Variants in WDR87 observed in about 807,000 individuals in gnomAD.
WDR87 encodes the protein WD repeat-containing protein 87.
Under a neutral mutation model 83.3 loss-of-function variants are expected in WDR87, and 56 were observed. The observed-to-expected ratio is 0.67, with a 90% CI of 0.54 to 0.84. The LOEUF (loss-of-function observed/expected upper bound fraction) is 0.84. Ranked by LOEUF, WDR87 falls within the 40% of genes least tolerant of loss-of-function variation. The pLI, the probability that WDR87 is intolerant of heterozygous loss-of-function variation, is 0.00. For synonymous variants in WDR87, 1,173 were observed against 1,250.6 expected (o/e 0.94, Z 1.31); for missense variants, 2,939 against 3,431.9 (o/e 0.86, Z 3.59).
chr19:37,896,626 GTT>G (rs1157728641), intron 2 of WDR87, among the ~76,000 whole-genome samples: 3 of 151,816 alleles, frequency 2.0e-5, no homozygotes, highest in African/African-American at 7.3e-5. Context: ...TCTTTTTTTT[GTT>G]TTGTTTTTTA....
intron 1 of WDR87, among the ~76,000 whole-genome samples, chr19:37,900,535 T>G (rs1247929508): frequency 2.4e-5 from 3 of 126,156 alleles, no homozygotes. Context: ...CACTCTAGCC[T>G]CAGTGACAGA....
chr19:37,889,104 C>G lies in WDR87; in HGVS notation c.4567G>C (p.Glu1523Gln). ...TCCTGAAGAAGCCTCTTCTCCCATT[C>G]TTCCTTCCATGCCTTCCAGGATTTC... ...TRKSWKAWKE[E>Q]WEKRLLQEEE... The change falls in exon 6 of 6, where the codon GAA becomes CAA. Residue 1523 changes from glutamate (E) to glutamine (Q), a missense_variant. By Grantham distance (29) the Glu-to-Gln change is conservative. Coordinates refer to ENST00000447313, the MANE Select transcript of WDR87 (RefSeq NM_001291088.2). 1 of 1,552,278 alleles carries G rather than the reference C, an allele frequency of 6.4e-7. No homozygotes were observed. Among genetic ancestry groups the G allele is most frequent in the Non-Finnish European group, 8.7e-7 (1 of 1,147,130 alleles).
At chr19:37,904,500 A>G (rs1048246249) in intron 1 of WDR87, among the ~76,000 whole-genome samples, 2 of 152,040 alleles carry the variant, frequency 1.3e-5, no homozygotes, top group African/African-American at 4.8e-5. Context: ...CTGGGATTAC[A>G]GGCGTGCGCC....
Position 37,889,247 on chromosome 19 carries a change from G to A in WDR87, c.4424C>T (p.Thr1475Ile), listed in dbSNP as rs760579359. 1 of 1,551,756 alleles carries A rather than the reference G, an allele frequency of 6.4e-7. No homozygotes were observed. The highest frequency in any genetic ancestry group is 8.7e-7 in the Non-Finnish European group (1 of 1,147,036). Reference sequence around the variant, plus strand: ...TTGTTTGACCACTTTCTCCTCTAGTGTGGCCATTTCCTCCACTTCCTCACT... The same window carrying A: ...TTGTTTGACCACTTTCTCCTCTAGTATGGCCATTTCCTCCACTTCCTCACT... ...DMSEEVEEMA[T>I]LEEKVVKQEG... is the part of the protein sequence containing the mutation. Residue 1475 changes from threonine (T) to isoleucine (I), a missense_variant, in exon 6 of 6, where the codon ACA becomes ATA. Physicochemically the swap from Thr to Ile is moderately conservative, Grantham distance 89. Coordinates refer to ENST00000447313, the MANE Select transcript of WDR87 (RefSeq NM_001291088.2).
At position 37,891,586 on chromosome 19, in the gene WDR87, G is replaced by A; in HGVS notation, c.3360C>T (p.Gly1120=). The change falls in exon 5 of 6, where the codon GGC becomes GGT. Residue 1120 remains glycine, a synonymous_variant. Coordinates refer to ENST00000447313, the MANE Select transcript of WDR87 (RefSeq NM_001291088.2). ...TGACCCCTGCTTGGCCTCGTCTTTGGCCTTTGCTGGGCTTGATGGCCACTT... is the reference window on the plus strand; with the variant it reads ...TGACCCCTGCTTGGCCTCGTCTTTGACCTTTGCTGGGCTTGATGGCCACTT... ...ESEVAIKPSK[G]QRRGQAGVKK... is the part of the protein sequence containing the mutation. 1 of 1,552,156 alleles carries A rather than the reference G, an allele frequency of 6.4e-7. No homozygotes were observed. The highest frequency in any genetic ancestry group is 8.7e-7 in the Non-Finnish European group (1 of 1,147,110).
chr19:37,892,585 C>T lies in WDR87; in HGVS notation c.3118G>A (p.Glu1040Lys). The change falls in exon 4 of 6, where the codon GAG becomes AAG. Residue 1040 changes from glutamate (E) to lysine (K), a missense_variant. Glu to Lys is a moderately conservative substitution (Grantham distance 56). Transcript: ENST00000447313. ...QLTQKQETFR[E>K]MQQQMIGEEP... ...AAGGAAGCACAAACTTACTGCATCT[C>T]CCGAAAAGTCTCTTGTTTTTGGGTC... 6.7e-7 allele frequency: 1 copy of T among 1,489,006 alleles called. No individual in the cohort carries two copies. The highest frequency in any genetic ancestry group is 9.0e-7 in the Non-Finnish European group (1 of 1,113,894). 92.2% of individuals were successfully genotyped at this position (1,489,006 alleles called of 1,614,324 possible). A position where few individuals can be genotyped will look rare whatever the true frequency, so the allele number is the denominator to read the frequency against.
Position 37,885,194 on chromosome 19 carries a change from A to G in WDR87, c.8477T>C (p.Ile2826Thr). The G allele has an allele frequency of 1.4e-6, 2 of 1,476,696 alleles. No individual in the cohort carries two copies. The highest frequency in any genetic ancestry group is 4.9e-5 in the East Asian group (2 of 40,442). 91.5% of individuals were successfully genotyped at this position (1,476,696 alleles called of 1,614,324 possible). The change falls in exon 6 of 6, where the codon ATC (isoleucine) becomes ACC (threonine). Residue 2826 changes from isoleucine (I) to threonine (T), a missense_variant. By Grantham distance (89) the Ile-to-Thr change is moderately conservative. This residue lies in a region of WDR87 where 2,160 missense variants were observed against 2,533.1 expected (regional missense o/e 0.85). Coordinates refer to ENST00000447313, the MANE Select transcript of WDR87 (RefSeq NM_001291088.2). ...TGTGGCTTTTAGGGCCTCTTCGTAG[A>G]TGATCTCTTGGGGTTGAGGTTCCTC... Reference protein sequence around the residue: ...MREEPQPQEIIYEEALKATEL... With the variant: ...MREEPQPQEITYEEALKATEL...
intron 5 of WDR87, 147 bp from the exon 6 acceptor site, chr19:37,890,423 T>A: frequency 8.9e-7 from 1 of 1,123,258 alleles, no homozygotes; most frequent in Non-Finnish European, 1.2e-6. Context: ...AAGCATTCTC[T>A]TTGCTTTATT....
chr19:37,905,473 A>C (rs1270200581), intron 1 of WDR87, among the ~76,000 whole-genome samples: 1 of 148,790 alleles, frequency 6.7e-6, no homozygotes, highest in African/African-American at 2.5e-5. Flanking sequence ...AGTAAATAAT[A>C]ATGATAAATA....
At chr19:37,903,090 A>G (rs1481756892) in intron 1 of WDR87, among the ~76,000 whole-genome samples, 1 of 152,190 alleles carries the variant, frequency 6.6e-6, no homozygotes, top group Non-Finnish European at 1.5e-5. Flanking sequence ...TGGCCACCCA[A>G]AAGGAAGGTG....
intron 2 of WDR87, among the ~76,000 whole-genome samples, chr19:37,896,864 C>T (rs2046259981): frequency 6.6e-6 from 1 of 152,208 alleles, no homozygotes; most frequent in African/African-American, 2.4e-5. Flanking sequence ...AGGTAATCCG[C>T]CCGCCTCGGC....
At chr19:37,892,383 C>CA (rs1421671400) in intron 4 of WDR87, among the ~76,000 whole-genome samples, 195 bp downstream of exon 4, 2 of 151,310 alleles carry the variant, frequency 1.3e-5, no homozygotes, top group East Asian at 3.9e-4. Flanking sequence ...GACCCTGTCT[C>CA]AAAAAAAGAA....
rs1274040973 is a variant in WDR87 at position 37,889,090 on chromosome 19, C to T, written c.4581G>A (p.Arg1527=). 1.9e-6 allele frequency: 3 copies of T among 1,552,096 alleles called. No individual in the cohort carries two copies. The highest frequency in any genetic ancestry group is 2.6e-6 in the Non-Finnish European group (3 of 1,147,126). ...WKAWKEEWEK[R]LLQEEEKLHQ... is the part of the protein sequence containing the mutation. ...GTAGTTTCTCCTCTTCCTGAAGAAG[C>T]CTCTTCTCCCATTCTTCCTTCCATG... Residue 1527 remains arginine, a synonymous_variant, in exon 6 of 6, where the codon AGG becomes AGA. Coordinates refer to ENST00000447313, the MANE Select transcript of WDR87 (RefSeq NM_001291088.2).
chr19:37,886,355 A>G lies in WDR87; in HGVS notation c.7316T>C (p.Met2439Thr). 6.4e-7 allele frequency: 1 copy of G among 1,551,270 alleles called. No individual in the cohort carries two copies. Among genetic ancestry groups the G allele is most frequent in the Non-Finnish European group, 8.7e-7 (1 of 1,146,894 alleles). ...CACTGGCACTGGTGTTTTCTCTTTC[A>G]TCTCCAGAGCTGTTGACATCAGTTT... The part of the protein sequence containing the change: ...LKKLMSTALE[M>T]KEKTPVPVPE... The change falls in exon 6 of 6, where the codon ATG becomes ACG. Residue 2439 changes from methionine to threonine, a missense_variant. Met to Thr is a moderately conservative substitution (Grantham distance 81, BLOSUM62 -1). Coordinates refer to ENST00000447313, the MANE Select transcript of WDR87 (RefSeq NM_001291088.2).
At position 37,886,584 on chromosome 19, in the gene WDR87, C is replaced by T. The variant is rs777428348; in HGVS notation, c.7087G>A (p.Glu2363Lys). 13 of 1,521,292 alleles carry T rather than the reference C, an allele frequency of 8.5e-6. No individual in the cohort carries two copies. Among genetic ancestry groups the T allele is most frequent in the East Asian group, 2.5e-5 (1 of 40,432 alleles). The allele number at this position is 1,521,292 out of a possible 1,614,324, so 94.2% of individuals were successfully genotyped here. ...SEEETESLSD[E>K]EEEEESCSLE... ...GAGCAGCTCTCCTCTTCCTCTTCCT[C>T]GTCACTCAAACTTTCTGTCTCTTCC... The change falls in exon 6 of 6, where the codon GAG (glutamate) becomes AAG (lysine). Residue 2363 changes from glutamate (E) to lysine (K), a missense_variant. By Grantham distance (56) the Glu-to-Lys change is moderately conservative. Coordinates refer to ENST00000447313, the MANE Select transcript of WDR87 (RefSeq NM_001291088.2).
At position 37,893,185 on chromosome 19, in the gene WDR87, T is replaced by G; in HGVS notation, c.2518A>C (p.Ile840Leu). The G allele has an allele frequency of 6.4e-7, 1 of 1,551,968 alleles. No individual in the cohort carries two copies. Among genetic ancestry groups the G allele is most frequent in the Non-Finnish European group, 8.7e-7 (1 of 1,147,058 alleles). The change falls in exon 4 of 6, where the codon ATA becomes CTA. Residue 840 changes from isoleucine to leucine, a missense_variant. Physicochemically the swap from Ile to Leu is conservative, Grantham distance 5. Coordinates refer to ENST00000447313, the MANE Select transcript of WDR87 (RefSeq NM_001291088.2). ...RARLWPEGTP[I>L]YLQCNLHAPQ... is the part of the protein sequence containing the mutation. ...GCATGCAGGTTGCACTGTAGGTATA[T>G]TGGGGTGCCCTCTGGCCAAAGACGG... is the stretch of plus-strand genomic sequence containing the variant.
At position 37,887,168 on chromosome 19, in the gene WDR87, C is replaced by A; in HGVS notation, c.6503G>T (p.Arg2168Leu). Residue 2168 changes from arginine to leucine, a missense_variant, in exon 6 of 6, where the codon CGA (arginine) becomes CTA (leucine). Around this residue, in one of 3 missense-constraint regions of WDR87, gnomAD observed 2,160 missense variants for 2,533.1 expected, o/e 0.85. Coordinates refer to ENST00000447313, the MANE Select transcript of WDR87 (RefSeq NM_001291088.2). ...CTTCTCATCTTTAGTCAGTTCTGATCGTTTTTCAGAAAAATCCCACTCTTT... is the reference window on the plus strand; with the variant it reads ...CTTCTCATCTTTAGTCAGTTCTGATAGTTTTTCAGAAAAATCCCACTCTTT... ...DIKEWDFSEK[R>L]SELTKDEKKL... is the part of the protein sequence containing the mutation. 5 of 1,551,374 alleles carry A rather than the reference C, an allele frequency of 3.2e-6. No individual in the cohort carries two copies. The highest frequency in any genetic ancestry group is 3.5e-6 in the Non-Finnish European group (4 of 1,147,002).
chr19:37,901,836 A>C lies in WDR87; in HGVS notation c.-46-3551T>G, dbSNP rs143198773. On this transcript the variant is annotated intron_variant, in intron 1 of 5. Coordinates refer to ENST00000447313, the MANE Select transcript of WDR87 (RefSeq NM_001291088.2). ...TCAAGCAATCCTCCTGCCTCAGCCTACCGAGTAACTGGGACCACAGGCACA... is the reference window on the plus strand; with the variant it reads ...TCAAGCAATCCTCCTGCCTCAGCCTCCCGAGTAACTGGGACCACAGGCACA... Among the ~76,000 whole-genome samples, 850 of 150,460 alleles carry C rather than the reference A, an allele frequency of 5.6e-3. 9 individuals carry two copies. The highest frequency in any genetic ancestry group is 0.02 in the African/African-American group (823 of 40,942).
chr19:37,885,664 C>T lies in WDR87; in HGVS notation c.8007G>A (p.Arg2669=), dbSNP rs2046137564. Residue 2669 remains arginine, a synonymous_variant, in exon 6 of 6, where the codon AGG becomes AGA. Coordinates refer to ENST00000447313, the MANE Select transcript of WDR87 (RefSeq NM_001291088.2). ...AATTTTTAGCCCTTGGGTCTGGAAT[C>T]CTCTTGGTAGCTAATGGGGACTTTT... ...PTQKSPLATK[R]IPDPRAKNWH... 3.9e-6 allele frequency: 6 copies of T among 1,551,796 alleles called. No homozygotes were observed. Among genetic ancestry groups the T allele is most frequent in the Non-Finnish European group, 4.4e-6 (5 of 1,147,016 alleles).
Sources: gnomAD v4.1 joint callset for allele counts (sites outside exome capture counted in the v4.1 genomes callset) on GRCh38, gnomAD v4.1.1 for gene constraint, gnomAD v4.1.1 regional missense constraint, MANE v1.5 for transcripts, NCBI Gene and HGNC (gene_info 2026-07-23, HGNC 2026-07-21) for gene names.